The following M1AP variants were observed in gnomAD, a reference collection of about 807,000 sequenced individuals.
M1AP encodes the protein meiosis 1 arrest protein.
In M1AP, 39 loss-of-function variants were observed where a neutral mutation model predicts 51.2. The ratio of observed to expected loss-of-function variants is 0.76; its 90% CI spans 0.59 to 1.00. The LOEUF is 1.00. Ranked by LOEUF, M1AP falls within the 50% of genes least tolerant of loss-of-function variation. The pLI is 0.00. For synonymous variants in M1AP, 251 were observed against 249.2 expected (o/e 1.01, Z -0.07); for missense variants, 545 against 641.2 (o/e 0.85, Z 1.62).
At chr2:74,565,842 C>CACAT (rs1678349342) in intron 7 of M1AP, among the ~76,000 whole-genome samples, 1 of 151,436 alleles carries the variant, frequency 6.6e-6, no homozygotes, top group Admixed American at 6.6e-5. Flanking sequence ...CACACACACA[C>CACAT]ACACACACAC....
chr2:74,622,271 C>T (rs1682095815), intron 2 of M1AP, among the ~76,000 whole-genome samples: 1 of 151,644 alleles, frequency 6.6e-6, no homozygotes, highest in East Asian at 1.9e-4. Context: ...CAGAGTTTTG[C>T]TCTTGTTGCC....
chr2:74,605,653 C>A (rs898981307), intron 4 of M1AP, among the ~76,000 whole-genome samples: 10 of 152,136 alleles, frequency 6.6e-5, no homozygotes, highest in Non-Finnish European at 1.3e-4. Flanking sequence ...GTAATCCCAG[C>A]ACTTTGGGAG....
chr2:74,636,931 T>C (rs1683019175), intron 2 of M1AP, among the ~76,000 whole-genome samples: 1 of 152,188 alleles, frequency 6.6e-6, no homozygotes, highest in South Asian at 2.1e-4. Flanking sequence ...TAATGTAGTT[T>C]TCTTCATGTT....
intron 4 of M1AP, among the ~76,000 whole-genome samples, chr2:74,587,967 A>G (rs3025973): frequency 6.7e-6 from 1 of 150,308 alleles, no homozygotes; most frequent in East Asian, 2.0e-4. Flanking sequence ...ATAAAATTAA[A>G]GTGTGTTTAA....
At chr2:74,592,958 T>C (rs1680133795) in intron 4 of M1AP, among the ~76,000 whole-genome samples, 1 of 152,180 alleles carries the variant, frequency 6.6e-6, no homozygotes, top group Non-Finnish European at 1.5e-5. Context: ...AATATGTATA[T>C]AGCTGTGTCC....
intron 5 of M1AP, chr2:74,576,885 T>C (rs1679106297): frequency 3.4e-6 from 4 of 1,190,598 alleles, no homozygotes; most frequent in Non-Finnish European, 4.2e-6. Context: ...TGATCTTTAC[T>C]TGTTTTACTT....
intron 4 of M1AP, among the ~76,000 whole-genome samples, chr2:74,593,247 G>T (rs912881227): frequency 2.0e-5 from 3 of 152,126 alleles, no homozygotes; most frequent in African/African-American, 4.8e-5. Flanking sequence ...AGAGAAGGCA[G>T]AAAAGGAGGT....
chr2:74,569,022 C>G (rs1322840527), intron 7 of M1AP, among the ~76,000 whole-genome samples: 1 of 152,080 alleles, frequency 6.6e-6, no homozygotes, highest in African/African-American at 2.4e-5. Context: ...TGCCACATGT[C>G]TGAAAACCAA....
At chr2:74,569,618 G>T (rs1678605176) in intron 7 of M1AP, among the ~76,000 whole-genome samples, 1 of 151,656 alleles carries the variant, frequency 6.6e-6, no homozygotes, top group South Asian at 2.1e-4. Context: ...CAGTTGATCT[G>T]CCCACCTCTG....
intron 2 of M1AP, among the ~76,000 whole-genome samples, chr2:74,626,366 C>T (rs1164013393): frequency 1.3e-5 from 2 of 151,674 alleles, no homozygotes; most frequent in Admixed American, 6.6e-5. Context: ...ATCCCCTCGC[C>T]TCAGCCACCT....
chr2:74,572,089 G>T (rs1458772996), intron 7 of M1AP, among the ~76,000 whole-genome samples: 1 of 152,126 alleles, frequency 6.6e-6, no homozygotes, highest in East Asian at 1.9e-4. Context: ...TGGACCAAAC[G>T]GAGTAAAGAG....
At chr2:74,576,847 A>C in intron 5 of M1AP, 1 of 1,304,840 alleles carries the variant, frequency 7.7e-7, no homozygotes, top group East Asian at 3.0e-5. Flanking sequence ...CTCTACATAA[A>C]AGTTAACTTA....
At chr2:74,622,958 A>G (rs534612970) in intron 2 of M1AP, among the ~76,000 whole-genome samples, 2 of 115,046 alleles carry the variant, frequency 1.7e-5, no homozygotes, top group East Asian at 2.0e-4. Context: ...AATAGAGTGG[A>G]AAAAAAAAAA....
rs143295322 is a variant in M1AP, at chr2:74,607,632, C to A, written c.427-409G>T. Among the ~76,000 whole-genome samples, 366 of 152,210 alleles carry A rather than the reference C, an allele frequency of 2.4e-3. 2 individuals are homozygous for A. The highest frequency in any genetic ancestry group is 8.3e-3 in the African/African-American group (346 of 41,536). On this transcript the variant is annotated intron_variant, in intron 3 of 10. Transcript: ENST00000421985. ...GGGATTACAGGCACGTGCCACCACA[C>A]CCGGGTAATTTTTTTTGTATTTTTA...
intron 2 of M1AP, among the ~76,000 whole-genome samples, chr2:74,621,139 A>G (rs1455906759): frequency 2.6e-5 from 4 of 151,636 alleles, no homozygotes; most frequent in Admixed American, 1.3e-4. Flanking sequence ...AAAATTAGCC[A>G]GGCGTAGTGG....
At chr2:74,639,737 G>C (rs974882160) in intron 2 of M1AP, among the ~76,000 whole-genome samples, 2 of 152,218 alleles carry the variant, frequency 1.3e-5, no homozygotes, top group African/African-American at 2.4e-5. Flanking sequence ...GGCATAAAAG[G>C]AGTCAGTTGT....
intron 2 of M1AP, chr2:74,628,761 A>T: frequency 1.9e-6 from 1 of 530,238 alleles, no homozygotes; most frequent in Non-Finnish European, 3.7e-6. Flanking sequence ...ACAGGCAATA[A>T]AGCTGCTGCT....
chr2:74,632,743 C>T (rs1002178450), intron 2 of M1AP, among the ~76,000 whole-genome samples: 1 of 152,116 alleles, frequency 6.6e-6, no homozygotes, highest in Non-Finnish European at 1.5e-5. Context: ...GGCTTGATGT[C>T]GTTAATCAGC....
At chr2:74,637,349 C>G (rs548277934) in intron 2 of M1AP, among the ~76,000 whole-genome samples, 1 of 152,060 alleles carries the variant, frequency 6.6e-6, no homozygotes, top group Non-Finnish European at 1.5e-5. Flanking sequence ...ACATGGAACC[C>G]GATTATAACA....
Sources: gnomAD v4.1 joint callset for allele counts (sites outside exome capture counted in the v4.1 genomes callset) on GRCh38, gnomAD v4.1.1 for gene constraint, MANE v1.5 for transcripts, NCBI Gene and HGNC (gene_info 2026-07-23, HGNC 2026-07-21) for gene names.